Variants in ST3GAL1 observed in about 807,000 individuals in gnomAD.
The protein encoded by ST3GAL1 is CMP-N-acetylneuraminate-beta-galactosamide-alpha-2,3-sialyltransferase 1.
Under a neutral mutation model 34.1 loss-of-function variants are expected in ST3GAL1, and 16 were observed. The observed-to-expected ratio is 0.47, with a 90% confidence interval of 0.32 to 0.71. The LOEUF is 0.71. ST3GAL1 is among the 30% of genes least tolerant of loss of function. The pLI is 0.04. For synonymous variants in ST3GAL1, 191 were observed against 184.7 expected, an observed-to-expected ratio of 1.03 and a Z score of -0.28; for missense variants, 353 against 447.4, an observed-to-expected ratio of 0.79 and a Z score of 1.90.
chr8:133,498,505 GTTT>G (rs993427735), intron 3 of ST3GAL1, among the ~76,000 whole-genome samples: 3 of 149,718 alleles, frequency 2.0e-5, no homozygotes, highest in African/African-American at 7.4e-5. Context: ...TGTTTGGAGG[GTTT>G]TTTTTTTCTC....
At position 133,469,904 on chromosome 8, in the gene ST3GAL1, G is replaced by C. The variant is rs1815884036; in HGVS notation, c.307-3814C>G. Among the ~76,000 whole-genome samples the C allele has an allele frequency of 6.6e-6, 1 of 152,162 alleles. No individual in the cohort carries two copies. The highest frequency in any genetic ancestry group is 2.1e-4 in the South Asian group (1 of 4,822). On this transcript the variant is annotated intron_variant, in intron 5 of 9. Coordinates refer to ENST00000522652, the MANE Select transcript of ST3GAL1 (RefSeq NM_173344.3). This position sits in a 1 kb window ranked among gnomAD's most constrained non-coding sequence, Gnocchi z 4.3. ...CATTCCAATCTTTCATTGGCAAAAGGGGAAATGGAGGCCCAGACCCTGGAA... is the reference window on the plus strand; with the variant it reads ...CATTCCAATCTTTCATTGGCAAAAGCGGAAATGGAGGCCCAGACCCTGGAA...
chr8:133,544,237 A>T (rs1418214390), intron 2 of ST3GAL1: 1 of 152,262 alleles, frequency 6.6e-6, no homozygotes, highest in Non-Finnish European at 1.5e-5. Context: ...CTCAATGATC[A>T]GCCCTTGTTA....
At chr8:133,470,536 G>C (rs1000566170) in intron 5 of ST3GAL1, among the ~76,000 whole-genome samples, 1 of 152,156 alleles carries the variant, frequency 6.6e-6, no homozygotes, top group Admixed American at 6.5e-5. Flanking sequence ...TACAATCAGC[G>C]CTCAATCTGC....
intron 2 of ST3GAL1, among the ~76,000 whole-genome samples, chr8:133,506,211 C>T (rs749355202): frequency 2.0e-5 from 3 of 152,082 alleles, no homozygotes; most frequent in Non-Finnish European, 4.4e-5. Context: ...TGTTCTATTC[C>T]TCACTGGCTT....
chr8:133,554,048 C>A (rs1449086134), intron 1 of ST3GAL1, among the ~76,000 whole-genome samples: 1 of 152,132 alleles, frequency 6.6e-6, no homozygotes, highest in Non-Finnish European at 1.5e-5. Context: ...TCGACAAGAT[C>A]CACCCAATCA....
intron 2 of ST3GAL1, among the ~76,000 whole-genome samples, chr8:133,538,310 T>C (rs1030784360): frequency 6.6e-6 from 1 of 151,936 alleles, no homozygotes; most frequent in Non-Finnish European, 1.5e-5. Flanking sequence ...AGGTCAGGAG[T>C]TCGAGATCGG....
rs1488045048 is a variant in ST3GAL1 at position 133,455,367 on chromosome 8, T to C, written c.*4397A>G. On this transcript the variant is annotated 3_prime_UTR_variant, in exon 10 of 10. Coordinates refer to ENST00000522652, the MANE Select transcript of ST3GAL1 (RefSeq NM_173344.3). ...TCCCCTAGGAAATTCAGTGCTCTTT[T>C]GGTAAGAAAAAATAGTCGGTAATGC... The C allele has an allele frequency of 6.6e-6, 1 of 152,286 alleles. No homozygotes were observed. The highest frequency in any genetic ancestry group is 2.4e-5 in the African/African-American group (1 of 41,440). 9.4% of individuals were successfully genotyped at this position (152,286 alleles called of 1,614,324 possible).
intron 8 of ST3GAL1, among the ~76,000 whole-genome samples, chr8:133,462,431 A>G (rs1815547588): frequency 6.6e-6 from 1 of 152,092 alleles, no homozygotes; most frequent in Non-Finnish European, 1.5e-5. Flanking sequence ...AAATGACCTC[A>G]TGTCCCAGGT....
At chr8:133,505,490 G>A (rs557160693) in intron 2 of ST3GAL1, among the ~76,000 whole-genome samples, 1 of 152,196 alleles carries the variant, frequency 6.6e-6, no homozygotes, top group Non-Finnish European at 1.5e-5. Flanking sequence ...GCTATCTTTT[G>A]TCAGCATCTG....
At position 133,527,312 on chromosome 8, in the gene ST3GAL1, A is replaced by G. The variant is rs562599755; in HGVS notation, c.-429+18462T>C. The stretch of plus-strand genomic sequence containing the variant: ...TTCAAATTCTGCCTCTACTAATGCC[A>G]TGTGGTCTGGGGCCAATTACTTTAG... On this transcript the variant is annotated intron_variant, in intron 2 of 9. Coordinates refer to ENST00000522652, the MANE Select transcript of ST3GAL1 (RefSeq NM_173344.3). Among the ~76,000 whole-genome samples the G allele has an allele frequency of 5.3e-5, 8 of 152,294 alleles. 1 individual carries two copies. The highest frequency in any genetic ancestry group is 1.9e-4 in the African/African-American group (8 of 41,572).
Position 133,551,563 on chromosome 8 carries a change from A to AG in ST3GAL1, c.-581-5638_-581-5637insC, listed in dbSNP as rs1491451640. Among the ~76,000 whole-genome samples the AG allele has an allele frequency of 7.7e-4, 112 of 146,122 alleles. 1 individual carries two copies. Among genetic ancestry groups the AG allele is most frequent in the African/African-American group, 2.8e-3 (108 of 38,686 alleles). Reference sequence around the variant, plus strand: ...GAAGGAAAGAAAGAAAGAAAGAAAGAAAGAAAGAAAGAAAGAAAGAAAGAA... The same window carrying AG: ...GAAGGAAAGAAAGAAAGAAAGAAAGAGAAGAAAGAAAGAAAGAAAGAAAGAA... On this transcript the variant is annotated intron_variant, in intron 1 of 9. Transcript: ENST00000522652.
At chr8:133,542,093 CCACA>C (rs756563042) in intron 2 of ST3GAL1, among the ~76,000 whole-genome samples, 9 of 138,608 alleles carry the variant, frequency 6.5e-5, no homozygotes, top group Middle Eastern at 3.9e-3. Context: ...GTGTGATACA[CCACA>C]CACACACACA....
chr8:133,486,223 G>T (rs371641318), intron 3 of ST3GAL1, among the ~76,000 whole-genome samples: 1 of 152,226 alleles, frequency 6.6e-6, no homozygotes, highest in African/African-American at 2.4e-5. Context: ...GTGCCAGGCT[G>T]AGGTCGGCCC....
At chr8:133,499,251 A>G (rs1817071508) in intron 2 of ST3GAL1, 62 bp from the exon 3 acceptor site, 1 of 152,228 alleles carries the variant, frequency 6.6e-6, no homozygotes, top group Admixed American at 6.5e-5. Flanking sequence ...AGGATTGGTG[A>G]GACAGTTTCT....
intron 3 of ST3GAL1, among the ~76,000 whole-genome samples, chr8:133,495,932 C>T (rs147327754): frequency 4.6e-5 from 7 of 152,184 alleles, no homozygotes; most frequent in Admixed American, 6.5e-5. Context: ...GGAGGGCACA[C>T]GCTGTGTCTT....
Position 133,466,147 on chromosome 8 carries a change from A to G in ST3GAL1, c.307-57T>C. Reference sequence around the variant, plus strand: ...GGCTTTGTGGCTCCAGCCTCCTGGCAGCAGAGCCCCTGAGCTACCTGCTGT... The same window carrying G: ...GGCTTTGTGGCTCCAGCCTCCTGGCGGCAGAGCCCCTGAGCTACCTGCTGT... On this transcript the variant is annotated intron_variant, in intron 5 of 9. Transcript: ENST00000522652. This position sits in a 1 kb window ranked among gnomAD's most constrained non-coding sequence, Gnocchi z 4.4. 3 of 1,549,134 alleles carry G rather than the reference A, an allele frequency of 1.9e-6. No individual in the cohort carries two copies. Among genetic ancestry groups the G allele is most frequent in the South Asian group, 1.2e-5 (1 of 82,598 alleles).
At chr8:133,491,978 G>A (rs2130979401) in intron 3 of ST3GAL1, among the ~76,000 whole-genome samples, 1 of 152,324 alleles carries the variant, frequency 6.6e-6, no homozygotes, top group Non-Finnish European at 1.5e-5. Flanking sequence ...GGGCTGCCAA[G>A]CTGTCCAGTG....
At chr8:133,538,089 A>G (rs1818358334) in intron 2 of ST3GAL1, among the ~76,000 whole-genome samples, 1 of 152,244 alleles carries the variant, frequency 6.6e-6, no homozygotes, top group African/African-American at 2.4e-5. Flanking sequence ...TCTCTAGTGA[A>G]AGCTGGAGGA....
intron 3 of ST3GAL1, among the ~76,000 whole-genome samples, chr8:133,487,711 G>T (rs796368599): frequency 6.6e-6 from 1 of 152,236 alleles, no homozygotes; most frequent in Non-Finnish European, 1.5e-5. Flanking sequence ...GCTCATGCCT[G>T]TAATCCCAGC....
Sources: gnomAD v4.1 joint callset for allele counts (sites outside exome capture counted in the v4.1 genomes callset) on GRCh38, gnomAD v4.1.1 for gene constraint, Gnocchi (gnomAD v3.1) non-coding constraint, MANE v1.5 for transcripts, NCBI Gene and HGNC (gene_info 2026-07-23, HGNC 2026-07-21) for gene names.